Variants in ZDHHC21 observed in about 807,000 individuals in gnomAD.
ZDHHC21 encodes the protein zDHHC palmitoyltransferase 21.
ZDHHC21 carries 15 observed loss-of-function variants against 34.6 expected under a neutral mutation model. That is an observed-to-expected ratio of 0.43 (90% confidence interval 0.29 to 0.67). The LOEUF (loss-of-function observed/expected upper bound fraction) is 0.67, where lower values mean the gene tolerates loss of function less well. Ranked by LOEUF, ZDHHC21 falls within the 30% of genes least tolerant of loss-of-function variation. The pLI is 0.14. For synonymous variants in ZDHHC21, 142 were observed against 101.8 expected (o/e 1.40, Z -2.38); for missense variants, 344 against 327.7 (o/e 1.05, Z -0.38).
At chr9:14,648,065 G>A (rs1009148475) in intron 7 of ZDHHC21, among the ~76,000 whole-genome samples, 16 of 151,930 alleles carry the variant, frequency 1.1e-4, no homozygotes, top group South Asian at 6.2e-4. Context: ...TCCCCCTCTC[G>A]GTAACTGGTA....
chr9:14,603,990 T>C, the ZDHHC21 span, among the ~76,000 whole-genome samples: 1 of 152,206 alleles, frequency 6.6e-6, no homozygotes, highest in Non-Finnish European at 1.5e-5. Flanking sequence ...TTTCTCTCGA[T>C]ATTTACAAAG....
intron 7 of ZDHHC21, among the ~76,000 whole-genome samples, chr9:14,644,761 A>G (rs780503466): frequency 6.6e-6 from 1 of 151,908 alleles, no homozygotes; most frequent in Non-Finnish European, 1.5e-5. Context: ...ATATATAACC[A>G]CATTACATAC....
chr9:14,669,761 A>G, intron 5 of ZDHHC21, among the ~76,000 whole-genome samples: 1 of 149,500 alleles, frequency 6.7e-6, no homozygotes, highest in East Asian at 2.0e-4. Flanking sequence ...AGAACAAAAA[A>G]CCAAACACTC....
intron 8 of ZDHHC21, among the ~76,000 whole-genome samples, chr9:14,636,372 A>T (rs916115665): frequency 6.6e-6 from 1 of 152,206 alleles, no homozygotes; most frequent in Admixed American, 6.5e-5. Context: ...ACAACTCTAA[A>T]TATATATGCA....
At chr9:14,683,661 A>G (rs1479690961) in intron 2 of ZDHHC21, 1 of 152,238 alleles carries the variant, frequency 6.6e-6, no homozygotes, top group Non-Finnish European at 1.5e-5. Flanking sequence ...AAGCTATTCC[A>G]ATCAATAGAA....
chr9:14,612,095 T>G lies in ZDHHC21; in HGVS notation c.*6871A>C, dbSNP rs1823397904. On this transcript the variant is annotated 3_prime_UTR_variant, in exon 10 of 10. Transcript: ENST00000380916. ...TTGGCAGATTAGAGAGAGATAATGT[T>G]GCTTCATCTCATTAGGCTTTCAAAT... 6.6e-6 allele frequency: 1 copy of G among 152,054 alleles called. No individual in the cohort carries two copies. The highest frequency in any genetic ancestry group is 1.5e-5 in the Non-Finnish European group (1 of 67,942). The allele number at this position is 152,054 out of a possible 1,614,324, so 9.4% of individuals were successfully genotyped here.
At chr9:14,686,581 A>T (rs940612231) in intron 2 of ZDHHC21, among the ~76,000 whole-genome samples, 2 of 152,152 alleles carry the variant, frequency 1.3e-5, no homozygotes, top group Admixed American at 6.5e-5. Flanking sequence ...TAGTTATTAG[A>T]TCGTCAAATG....
intron 2 of ZDHHC21, among the ~76,000 whole-genome samples, chr9:14,684,597 G>A (rs1384117902): frequency 6.6e-6 from 1 of 151,730 alleles, no homozygotes; most frequent in East Asian, 1.9e-4. Context: ...TGGGTAGGAA[G>A]AATCAATATC....
intron 2 of ZDHHC21, among the ~76,000 whole-genome samples, chr9:14,686,808 A>C (rs1838389090): frequency 6.7e-6 from 1 of 150,206 alleles, no homozygotes; most frequent in Admixed American, 6.6e-5. Context: ...CCCTGTCTCC[A>C]CTAAAAATAC....
chr9:14,671,015 C>G (rs893195540), intron 5 of ZDHHC21, among the ~76,000 whole-genome samples: 31 of 151,630 alleles, frequency 2.0e-4, no homozygotes, highest in Non-Finnish European at 4.3e-4. Flanking sequence ...TTTAAAAAGA[C>G]TATGAGAAAA....
At chr9:14,626,463 G>C (rs1272261067) in intron 8 of ZDHHC21, among the ~76,000 whole-genome samples, 3 of 151,678 alleles carry the variant, frequency 2.0e-5, no homozygotes, top group African/African-American at 7.3e-5. Flanking sequence ...GTGATTTAAG[G>C]ACATATAAAT....
intron 2 of ZDHHC21, chr9:14,683,522 G>C (rs1404538954): frequency 1.3e-5 from 2 of 152,234 alleles, no homozygotes; most frequent in South Asian, 2.1e-4. Flanking sequence ...TCTCTGAATA[G>C]ACCAATAACA....
rs1390119998 is a variant in ZDHHC21 at position 14,616,598 on chromosome 9, T to C, written c.*2368A>G. The C allele has an allele frequency of 6.6e-6, 1 of 151,770 alleles. No homozygotes were observed. The highest frequency in any genetic ancestry group is 2.1e-4 in the South Asian group (1 of 4,822). 9.4% of individuals were successfully genotyped at this position (151,770 alleles called of 1,614,324 possible). A position where few individuals can be genotyped will look rare whatever the true frequency, so the allele number is the denominator to read the frequency against. On this transcript the variant is annotated 3_prime_UTR_variant, in exon 10 of 10. Transcript: ENST00000380916. ...GGCGCAGAAACAACACCAGTAGATA[T>C]GCTTAGCAAACTGCCAGTTGGTTTT...
chr9:14,627,756 C>G (rs1279135463), intron 8 of ZDHHC21, among the ~76,000 whole-genome samples: 1 of 152,184 alleles, frequency 6.6e-6, no homozygotes, highest in Non-Finnish European at 1.5e-5. Flanking sequence ...TTGATTAACT[C>G]TCTCCAAGCC....
chr9:14,641,655 T>TA (rs1422331409), intron 7 of ZDHHC21, among the ~76,000 whole-genome samples: 3 of 152,210 alleles, frequency 2.0e-5, no homozygotes, highest in African/African-American at 7.2e-5. Context: ...CCACAACTAG[T>TA]ATTACAACTT....
intron 7 of ZDHHC21, among the ~76,000 whole-genome samples, chr9:14,640,307 G>GAAAAA (rs371542807): frequency 6.4e-5 from 8 of 125,590 alleles, no homozygotes; most frequent in Non-Finnish European, 8.4e-5. Context: ...CCTATTTTGG[G>GAAAAA]GAAAAAAAAA....
At chr9:14,588,906 A>C in the ZDHHC21 span, 1 of 152,210 alleles carries the variant, frequency 6.6e-6, no homozygotes, top group Non-Finnish European at 1.5e-5. Flanking sequence ...GATCAAGCCG[A>C]TATCAGTGAG....
intron 8 of ZDHHC21, among the ~76,000 whole-genome samples, chr9:14,636,122 G>A (rs549955250): frequency 2.0e-5 from 3 of 152,054 alleles, no homozygotes; most frequent in Non-Finnish European, 4.4e-5. Flanking sequence ...CTTTCTGAAT[G>A]GACTAAATAA....
intron 7 of ZDHHC21, among the ~76,000 whole-genome samples, chr9:14,655,357 A>C (rs1487746138): frequency 2.0e-5 from 3 of 152,006 alleles, no homozygotes; most frequent in Admixed American, 6.6e-5. Flanking sequence ...AGCAGAAAAA[A>C]TAAGCCTAGA....
Sources: allele counts gnomAD v4.1 joint callset (sites outside exome capture counted in the v4.1 genomes callset), GRCh38; gene constraint gnomAD v4.1.1; transcripts MANE v1.5; gene names NCBI Gene and HGNC (gene_info 2026-07-23, HGNC 2026-07-21).